FKBP9: variants seen among roughly 807,000 people sequenced by gnomAD.
The protein encoded by FKBP9 is peptidyl-prolyl cis-trans isomerase FKBP9.
Under a neutral mutation model 55.6 loss-of-function variants are expected in FKBP9, and 27 were observed. The observed-to-expected ratio is 0.49, with a 90% CI of 0.36 to 0.67. FKBP9 has a LOEUF of 0.67. Ranked by LOEUF, FKBP9 falls within the 30% of genes least tolerant of loss-of-function variation. FKBP9 has a pLI of 0.00. For synonymous variants in FKBP9, 267 were observed against 296.5 expected (o/e 0.90, Z 1.02); for missense variants, 539 against 742.8 (o/e 0.73, Z 3.19).
intron 7 of FKBP9, chr7:32,998,600 T>G (rs978908602): frequency 6.6e-6 from 1 of 152,252 alleles, no homozygotes; most frequent in Non-Finnish European, 1.5e-5. Flanking sequence ...CTTCCTGGTG[T>G]GAGCTTCAGA....
intron 4 of FKBP9, among the ~76,000 whole-genome samples, chr7:32,977,010 C>A (rs1308216757): frequency 2.0e-5 from 3 of 152,230 alleles, no homozygotes; most frequent in Admixed American, 1.3e-4. Flanking sequence ...CATACAATGT[C>A]AGAATTGCCA....
At chr7:32,976,028 T>G (rs1480780344) in intron 3 of FKBP9, among the ~76,000 whole-genome samples, 1 of 152,138 alleles carries the variant, frequency 6.6e-6, no homozygotes, top group Non-Finnish European at 1.5e-5. Context: ...AGGGAAAAGA[T>G]GAATGTATGT....
intron 6 of FKBP9, among the ~76,000 whole-genome samples, chr7:32,994,307 C>T (rs1209698803): frequency 6.6e-6 from 1 of 152,196 alleles, no homozygotes; most frequent in African/African-American, 2.4e-5. Context: ...TATGGATTTG[C>T]TTATGCTGGA....
Position 32,996,144 on chromosome 7 carries a change from C to T in FKBP9, c.1040-19C>T. 1 of 1,612,126 alleles carries T rather than the reference C, an allele frequency of 6.2e-7. No homozygotes were observed. The highest frequency in any genetic ancestry group is 8.5e-7 in the Non-Finnish European group (1 of 1,178,634). On this transcript the variant is annotated intron_variant, in intron 6 of 9. Transcript: ENST00000242209. ...AGCCTGCAGGGGTCATTCATTAATT[C>T]CCCGTGTCTGTCCTTTAGGGAATAT...
chr7:32,959,414 A>G (rs1484580238), intron 1 of FKBP9, among the ~76,000 whole-genome samples: 1 of 152,226 alleles, frequency 6.6e-6, no homozygotes, highest in Non-Finnish European at 1.5e-5. Context: ...AAAACAAAAC[A>G]AAACAAAAAA....
At chr7:32,969,909 A>C (rs1296732898) in intron 1 of FKBP9, among the ~76,000 whole-genome samples, 1 of 152,096 alleles carries the variant, frequency 6.6e-6, no homozygotes, top group Non-Finnish European at 1.5e-5. Flanking sequence ...AGGCCGAGGC[A>C]GAATTGCTTG....
chr7:32,963,631 T>G, intron 1 of FKBP9: 1 of 1,460,656 alleles, frequency 6.8e-7, no homozygotes, highest in Non-Finnish European at 9.0e-7. Context: ...CCTGCAGACT[T>G]AAGCAGAAAG....
chr7:32,997,151 C>T (rs1021234518), intron 7 of FKBP9, among the ~76,000 whole-genome samples: 44 of 151,884 alleles, frequency 2.9e-4, no homozygotes, highest in African/African-American at 1.1e-3. Flanking sequence ...CTCACTGCAA[C>T]CTCTGCCTTC....
intron 1 of FKBP9, among the ~76,000 whole-genome samples, chr7:32,965,822 T>TATATATATATGTGTACAC (rs1784127467): frequency 5.8e-5 from 1 of 17,340 alleles, no homozygotes; most frequent in African/African-American, 2.3e-4. Context: ...AATATATATA[T>TATATATATATGTGTACAC]ATATATATAT....
At chr7:32,997,956 A>G (rs913325022) in intron 7 of FKBP9, among the ~76,000 whole-genome samples, 8 of 152,254 alleles carry the variant, frequency 5.3e-5, no homozygotes, top group African/African-American at 1.7e-4. Flanking sequence ...GAAACATTTC[A>G]TGTATCTCTG....
chr7:32,975,502 C>CCTG, intron 3 of FKBP9, 131 bp downstream of exon 3: 12 of 714,558 alleles, frequency 1.7e-5, no homozygotes, highest in South Asian at 7.9e-5. Flanking sequence ...CAGTACTGAA[C>CCTG]TCATCTACTT....
chr7:32,972,942 G>T (rs1226243533), intron 1 of FKBP9, among the ~76,000 whole-genome samples: 2 of 152,026 alleles, frequency 1.3e-5, no homozygotes, highest in African/African-American at 2.4e-5. Flanking sequence ...GGCTGGTCTC[G>T]AACTCCTAAT....
intron 6 of FKBP9, among the ~76,000 whole-genome samples, chr7:32,989,979 G>A (rs974151224): frequency 3.3e-5 from 5 of 151,866 alleles, no homozygotes; most frequent in Non-Finnish European, 7.4e-5. Context: ...TACCATGCAC[G>A]GCTAATTCAA....
intron 8 of FKBP9, among the ~76,000 whole-genome samples, chr7:33,000,785 C>CT (rs139609619): frequency 0.56 from 83,286 of 149,060 alleles, 23,636 homozygotes; most frequent in Non-Finnish European, 0.59. Flanking sequence ...GATTCAATAA[C>CT]TTTTTTTTTT....
chr7:32,986,316 C>T (rs984869068), intron 5 of FKBP9, among the ~76,000 whole-genome samples: 2 of 152,248 alleles, frequency 1.3e-5, no homozygotes, highest in African/African-American at 4.8e-5. Context: ...TACCTGCCAT[C>T]TCTCTCACTA....
intron 6 of FKBP9, chr7:32,988,876 G>GCAC (rs1223608439): frequency 6.4e-6 from 3 of 471,718 alleles, no homozygotes; most frequent in Non-Finnish European, 1.2e-5. Flanking sequence ...CTACAGGCAC[G>GCAC]CACCACCACA....
intron 1 of FKBP9, among the ~76,000 whole-genome samples, chr7:32,971,047 G>T (rs1171604673): frequency 4.0e-5 from 6 of 150,704 alleles, no homozygotes; most frequent in Admixed American, 1.3e-4. Context: ...TCCTGGAACA[G>T]CTTCGTTTGG....
chr7:32,989,562 T>C (rs1784644549), intron 6 of FKBP9, among the ~76,000 whole-genome samples: 2 of 151,970 alleles, frequency 1.3e-5, no homozygotes, highest in African/African-American at 2.4e-5. Context: ...ACTACAGGCA[T>C]GTGCCACCAC....
intron 1 of FKBP9, among the ~76,000 whole-genome samples, chr7:32,974,339 T>C (rs1322343045): frequency 1.4e-5 from 2 of 145,588 alleles, no homozygotes; most frequent in South Asian, 2.3e-4. Context: ...TAGGTAACTA[T>C]TTTGCAAAAT....
Sources: gnomAD v4.1 joint callset for allele counts (sites outside exome capture counted in the v4.1 genomes callset) on GRCh38, gnomAD v4.1.1 for gene constraint, MANE v1.5 for transcripts, NCBI Gene and HGNC (gene_info 2026-07-23, HGNC 2026-07-21) for gene names.